The following PAK3 variants were observed in gnomAD, a reference collection of about 807,000 sequenced individuals.
PAK3 encodes serine/threonine-protein kinase PAK 3.
In PAK3, 4 loss-of-function variants were observed where a neutral mutation model predicts 41.0. The ratio of observed to expected loss-of-function variants is 0.10; its 90% CI spans 0.05 to 0.22. The LOEUF is 0.22. PAK3 is among the 10% of genes least tolerant of loss of function. The pLI, the probability that PAK3 is intolerant of heterozygous loss-of-function variation, is 1.00. For synonymous variants in PAK3, 146 were observed against 139.6 expected (o/e 1.05, Z -0.32); for missense variants, 205 against 409.9 (o/e 0.50, Z 4.32).
rs1188823579 is a variant in PAK3, at chrX:111,163,677, G to A, written c.716G>A (p.Arg239Gln). Residue 239 changes from arginine (R) to glutamine (Q), a missense_variant, in exon 10 of 18, where the codon CGG becomes CAG. Physicochemically the swap from Arg to Gln is conservative, Grantham distance 43. This residue lies in a region of PAK3 where 75 missense variants were observed against 91.9 expected (regional missense o/e 0.82). Coordinates refer to ENST00000372007, the MANE Select transcript of PAK3 (RefSeq NM_002578.5). The stretch of plus-strand genomic sequence containing the variant: ...AGTACTTTGTACAGGAACACAGATC[G>A]GCAAAGAAAAAAATCCAAGATGACA... ...NSSTLYRNTD[R>Q]QRKKSKMTDE... The A allele has an allele frequency of 3.3e-6, 4 of 1,202,816 alleles. No homozygotes were observed. The highest frequency in any genetic ancestry group is 1.8e-5 in the South Asian group (1 of 56,640).
chrX:111,198,993 C>A (rs1380633569), intron 16 of PAK3, among the ~76,000 whole-genome samples: 2 of 111,326 alleles, frequency 1.8e-5, no homozygotes, highest in East Asian at 5.7e-4. Flanking sequence ...TTTGTCATCT[C>A]CAGTTTCTTT....
chrX:111,178,976 T>G (rs35389090), intron 11 of PAK3, among the ~76,000 whole-genome samples: 22,767 of 95,853 alleles, frequency 0.24, 2,722 homozygotes, highest in African/African-American at 0.46. Context: ...TATATATATA[T>G]ATATAGAGAG....
chrX:111,161,995 T>A (rs61285992), intron 8 of PAK3, among the ~76,000 whole-genome samples: 17,141 of 111,350 alleles, frequency 0.15, 2,739 homozygotes, highest in African/African-American at 0.49. Context: ...AAACTTGAGC[T>A]TGCATCAGGA....
chrX:111,024,076 T>A (rs1264639808), intron 1 of PAK3, among the ~76,000 whole-genome samples: 1 of 112,072 alleles, frequency 8.9e-6, no homozygotes. Flanking sequence ...TTGTATATGA[T>A]GTAAGGAAGG....
At chrX:111,127,712 T>A (rs990870412) in intron 5 of PAK3, among the ~76,000 whole-genome samples, 6 of 111,662 alleles carry the variant, frequency 5.4e-5, no homozygotes, top group Admixed American at 9.5e-5. Context: ...TGGAGTCAAA[T>A]GTGTGGTCAA....
chrX:110,986,000 G>C (rs991575036), intron 1 of PAK3, among the ~76,000 whole-genome samples: 1 of 111,901 alleles, frequency 8.9e-6, no homozygotes. Context: ...AGGTAGAAAA[G>C]AGCCATGTAC....
chrX:110,949,208 C>T (rs1165271776), intron 1 of PAK3, among the ~76,000 whole-genome samples: 1 of 111,318 alleles, frequency 9.0e-6, no homozygotes, highest in Non-Finnish European at 1.9e-5. Context: ...GCAGTGTGGG[C>T]TCTCACATTG....
intron 17 of PAK3, among the ~76,000 whole-genome samples, chrX:111,219,190 A>AAATAAT (rs3062744): frequency 0.23 from 19,013 of 84,149 alleles, 2,172 homozygotes; most frequent in Admixed American, 0.3. Context: ...AGTCCATCTC[A>AAATAAT]AATAATAATA....
At chrX:111,171,589 A>G (rs1388889723) in intron 10 of PAK3, among the ~76,000 whole-genome samples, 1 of 111,739 alleles carries the variant, frequency 8.9e-6, no homozygotes, top group African/African-American at 3.2e-5. Flanking sequence ...ATTTTTAAAG[A>G]GCCAAACATG....
intron 1 of PAK3, among the ~76,000 whole-genome samples, chrX:111,072,990 G>A (rs1047184917): frequency 9.8e-5 from 11 of 111,817 alleles, no homozygotes; most frequent in Middle Eastern, 4.6e-3. Context: ...AGACAAAGCT[G>A]CCAGAAAAGA....
At chrX:111,205,676 G>A (rs1020205965) in intron 16 of PAK3, among the ~76,000 whole-genome samples, 1 of 111,294 alleles carries the variant, frequency 9.0e-6, no homozygotes, top group Non-Finnish European at 1.9e-5. Flanking sequence ...TAAAGCTATT[G>A]CAGGGACACA....
intron 1 of PAK3, among the ~76,000 whole-genome samples, chrX:110,993,434 T>C (rs1234851156): frequency 8.9e-6 from 1 of 111,876 alleles, no homozygotes. Flanking sequence ...AATTTTGTTC[T>C]TCAACATATT....
upstream of PAK3, among the ~76,000 whole-genome samples, chrX:111,092,397 C>A (rs1224453856): frequency 9.0e-6 from 1 of 111,555 alleles, no homozygotes; most frequent in African/African-American, 3.3e-5. Context: ...CACACATACA[C>A]CCAATTTTTT....
At chrX:111,071,086 T>C (rs1603101790) in intron 1 of PAK3, among the ~76,000 whole-genome samples, 1 of 112,482 alleles carries the variant, frequency 8.9e-6, no homozygotes, top group African/African-American at 3.2e-5. Flanking sequence ...TATTAAAATA[T>C]TGTTTCCAGT....
At chrX:111,172,205 A>G (rs1308783782) in intron 10 of PAK3, among the ~76,000 whole-genome samples, 3 of 104,349 alleles carry the variant, frequency 2.9e-5, no homozygotes, top group African/African-American at 4.1e-5. Context: ...AAGGGTTCCA[A>G]TTGCTCTACA....
At chrX:111,088,555 C>G (rs1325015355) in intron 1 of PAK3, among the ~76,000 whole-genome samples, 1 of 111,790 alleles carries the variant, frequency 8.9e-6, no homozygotes. Flanking sequence ...TAGGTAGATT[C>G]TAGGAAATAT....
At chrX:110,956,313 C>G (rs775240616) in intron 1 of PAK3, among the ~76,000 whole-genome samples, 4 of 111,073 alleles carry the variant, frequency 3.6e-5, no homozygotes, top group African/African-American at 1.3e-4. Context: ...CTCAGTACAC[C>G]ACCTGGTACA....
chrX:110,972,826 G>T (rs1286042119), intron 1 of PAK3, among the ~76,000 whole-genome samples: 3 of 111,286 alleles, frequency 2.7e-5, no homozygotes, highest in African/African-American at 9.8e-5. Context: ...AAAAAGATTA[G>T]ACGAATGGCT....
chrX:111,024,792 A>C (rs2092245712), intron 1 of PAK3, among the ~76,000 whole-genome samples: 2 of 111,492 alleles, frequency 1.8e-5, no homozygotes, highest in Non-Finnish European at 3.8e-5. Context: ...CCCTACAACA[A>C]ATGGACTTAA....
Sources: gnomAD v4.1 joint callset for allele counts (sites outside exome capture counted in the v4.1 genomes callset) on GRCh38, gnomAD v4.1.1 for gene constraint, gnomAD v4.1.1 regional missense constraint, MANE v1.5 for transcripts, NCBI Gene and HGNC (gene_info 2026-07-23, HGNC 2026-07-21) for gene names.